Variants in UBR3 observed in about 807,000 individuals in gnomAD.
The protein encoded by UBR3 is E3 ubiquitin-protein ligase UBR3.
In UBR3, 85 loss-of-function variants were observed where a neutral mutation model predicts 243.2. That is an observed-to-expected ratio of 0.35 (90% CI 0.29 to 0.42). The LOEUF (loss-of-function observed/expected upper bound fraction) is 0.42, where lower values mean the gene tolerates loss of function less well. Among genes scored for constraint, UBR3 ranks in the 10% least tolerant of loss-of-function variants. The probability of loss-of-function intolerance (pLI) is 1.00; values close to 1 mark genes in which losing one functional copy is unlikely to be tolerated. For synonymous variants in UBR3, 748 were observed against 799.8 expected, an observed-to-expected ratio of 0.94 and a Z score of 1.09; for missense variants, 1,686 against 2,300.8, an observed-to-expected ratio of 0.73 and a Z score of 5.47.
At chr2:169,895,418 A>G (rs2084543347) in intron 7 of UBR3, 107 bp downstream of exon 7, 2 of 1,211,096 alleles carry the variant, frequency 1.7e-6, no homozygotes, top group Admixed American at 3.1e-5. Flanking sequence ...ATATAACACT[A>G]TAAACAAGTG....
intron 1 of UBR3, among the ~76,000 whole-genome samples, chr2:169,840,405 C>T (rs1416960678): frequency 6.6e-6 from 1 of 152,222 alleles, no homozygotes; most frequent in Non-Finnish European, 1.5e-5. Context: ...GGTGCTCCTG[C>T]TCTGACACAA....
Position 169,939,465 on chromosome 2 carries a change from C to T in UBR3, c.2664-3028C>T, listed in dbSNP as rs534299240. 1.7e-4 allele frequency among the ~76,000 whole-genome samples: 25 copies of T among 148,970 alleles called. No homozygotes were observed. The South Asian group carries it at 5.3e-3, about 31-fold the overall frequency. On this transcript the variant is annotated intron_variant, in intron 19 of 38. Transcript: ENST00000272793. ...TTTTTTTTTAGTAGAGACAGGCCTTCACCATGTTAGCCAGGATGGTCTCGA... is the reference window on the plus strand; with the variant it reads ...TTTTTTTTTAGTAGAGACAGGCCTTTACCATGTTAGCCAGGATGGTCTCGA...
At chr2:170,073,370 G>A (rs10202446) in intron 35 of UBR3, 58 bp from the exon 36 acceptor site, 426,886 of 1,592,730 alleles carry the variant, frequency 0.27, 59,365 homozygotes, top group East Asian at 0.41. Flanking sequence ...GACCTTTTAT[G>A]TAATAGGAAA....
At chr2:169,968,460 G>C (rs954159618) in intron 24 of UBR3, among the ~76,000 whole-genome samples, 2 of 151,942 alleles carry the variant, frequency 1.3e-5, no homozygotes, top group African/African-American at 4.8e-5. Context: ...TTGTCTTTCT[G>C]TGCCTCGCTT....
chr2:169,827,747 G>T lies in UBR3; in HGVS notation c.240G>T (p.Gly80=). Reference sequence around the variant, plus strand: ...AGGACGCGGCGGCGGCCGGAGGCGGGGGCGGTCCGGGGGCGGCCGAGGAGG... The same window carrying T: ...AGGACGCGGCGGCGGCCGGAGGCGGTGGCGGTCCGGGGGCGGCCGAGGAGG... ...GGEDAAAAGG[G]GGPGAAEEEA... The change falls in exon 1 of 39, where the codon GGG becomes GGT. Residue 80 remains glycine, a synonymous_variant. Coordinates refer to ENST00000272793, the MANE Select transcript of UBR3 (RefSeq NM_172070.4). 5 of 1,246,664 alleles carry T rather than the reference G, an allele frequency of 4.0e-6. No individual in the cohort carries two copies. The highest frequency in any genetic ancestry group is 1.5e-5 in the African/African-American group (1 of 64,548). 77.2% of individuals were successfully genotyped at this position (1,246,664 alleles called of 1,614,324 possible).
rs747702928 is a variant in UBR3, at chr2:169,994,345, T to C, written c.3807T>C (p.Asn1269=). ...ASSVLGQCRD[N]VEPKKLPISE... ...TAGTTTTGGGGCAGTGCCGTGACAA[T>C]GTTGAGCCAAAAAAGTTGCCGATCA... Residue 1269 remains asparagine (N), a synonymous_variant, in exon 26 of 39, where the codon AAT becomes AAC. Coordinates refer to ENST00000272793, the MANE Select transcript of UBR3 (RefSeq NM_172070.4). 6.8e-6 allele frequency: 11 copies of C among 1,614,022 alleles called. No individual in the cohort carries two copies. Among genetic ancestry groups the C allele is most frequent in the Middle Eastern group, 1.6e-4 (1 of 6,084 alleles).
At chr2:169,943,840 TTTAG>T (rs781457193) in intron 20 of UBR3, among the ~76,000 whole-genome samples, 14 of 152,136 alleles carry the variant, frequency 9.2e-5, no homozygotes, top group African/African-American at 3.1e-4. Context: ...AAAGTATGTA[TTTAG>T]TTAGGTAGGA....
chr2:169,909,782 A>C (rs2085179007), intron 10 of UBR3, among the ~76,000 whole-genome samples: 1 of 152,082 alleles, frequency 6.6e-6, no homozygotes, highest in African/African-American at 2.4e-5. Flanking sequence ...ATTGTACCCC[A>C]TAAATACATG....
chr2:169,965,066 A>G (rs1429578598), intron 24 of UBR3: 18 of 419,338 alleles, frequency 4.3e-5, no homozygotes, highest in Middle Eastern at 3.6e-4. Context: ...CCCTTTATTT[A>G]TAACAGTCTC....
chr2:170,014,216 C>A, intron 29 of UBR3: 1 of 155,408 alleles, frequency 6.4e-6, no homozygotes, highest in Non-Finnish European at 1.4e-5. Flanking sequence ...TAAGTAAATA[C>A]ATGGAAATAT....
intron 35 of UBR3, among the ~76,000 whole-genome samples, chr2:170,071,261 C>T (rs2091692095): frequency 6.6e-6 from 1 of 152,164 alleles, no homozygotes; most frequent in Non-Finnish European, 1.5e-5. Flanking sequence ...TACATTTAGA[C>T]TTCTAAATGA....
chr2:169,857,062 A>ATATTTTTTTTTTT (rs1553494582), intron 1 of UBR3, among the ~76,000 whole-genome samples: 1 of 28,472 alleles, frequency 3.5e-5, no homozygotes, highest in Non-Finnish European at 8.2e-5. Context: ...TAATTTTATT[A>ATATTTTTTTTTTT]TGTTTTTTTT....
intron 37 of UBR3, chr2:170,080,276 A>G: frequency 1.8e-6 from 1 of 561,190 alleles, no homozygotes; most frequent in Non-Finnish European, 3.0e-6. Flanking sequence ...GTACTTTGGA[A>G]TGTGCTGTGA....
intron 35 of UBR3, among the ~76,000 whole-genome samples, chr2:170,071,246 ATGTC>A (rs2091691668): frequency 2.6e-5 from 4 of 152,168 alleles, no homozygotes; most frequent in African/African-American, 9.7e-5. Context: ...ATGAAAACAT[ATGTC>A]TACATTTAGA....
At chr2:169,946,478 CT>C (rs1290861575) in intron 21 of UBR3, 86 bp downstream of exon 21, 5 of 586,558 alleles carry the variant, frequency 8.5e-6, no homozygotes, top group Non-Finnish European at 1.4e-5. Context: ...GCATGTTATA[CT>C]TTTCCTAGTT....
intron 1 of UBR3, among the ~76,000 whole-genome samples, chr2:169,861,078 C>A (rs780635801): frequency 6.6e-6 from 1 of 152,206 alleles, no homozygotes; most frequent in Non-Finnish European, 1.5e-5. Context: ...CTTACATCTT[C>A]TCCTGCCTGC....
At chr2:169,902,818 G>A (rs577079141) in intron 8 of UBR3, among the ~76,000 whole-genome samples, 3 of 152,066 alleles carry the variant, frequency 2.0e-5, no homozygotes, top group African/African-American at 4.8e-5. Flanking sequence ...CCATGTTGGC[G>A]AGGCTGGTCT....
intron 33 of UBR3, among the ~76,000 whole-genome samples, chr2:170,056,180 G>T (rs1309654144): frequency 6.6e-6 from 1 of 151,648 alleles, no homozygotes. Flanking sequence ...GCTAATTTTT[G>T]TATTTTTAGT....
rs183766626 is a variant in UBR3, at chr2:170,044,522, A to C, written c.4660+3537A>C. Reference sequence around the variant, plus strand: ...ATACCCATCACATCACTGGCCTCTAAAGAATAAACTCGGAAGTAACTTCTG... The same window carrying C: ...ATACCCATCACATCACTGGCCTCTACAGAATAAACTCGGAAGTAACTTCTG... On this transcript the variant is annotated intron_variant, in intron 32 of 38. Coordinates refer to ENST00000272793, the MANE Select transcript of UBR3 (RefSeq NM_172070.4). 2.3e-4 allele frequency among the ~76,000 whole-genome samples: 35 copies of C among 152,276 alleles called. No homozygotes were observed. The East Asian group carries it at 6.2e-3, about 27-fold the overall frequency.
Sources: gnomAD v4.1 joint callset for allele counts (sites outside exome capture counted in the v4.1 genomes callset) on GRCh38, gnomAD v4.1.1 for gene constraint, MANE v1.5 for transcripts, NCBI Gene and HGNC (gene_info 2026-07-23, HGNC 2026-07-21) for gene names.